DPP10: variants seen among roughly 807,000 people sequenced by gnomAD.
DPP10 encodes the protein inactive dipeptidyl peptidase 10.
A neutral mutation model predicts 120.9 loss-of-function variants in DPP10; 33 were observed. That is an observed-to-expected ratio of 0.27 (90% CI 0.21 to 0.37). The LOEUF is 0.37. Ranked by LOEUF, DPP10 falls within the 10% of genes least tolerant of loss-of-function variation. The pLI is 1.00. For missense variants in DPP10, 816 were observed against 942.8 expected (o/e 0.87, Z 1.76); for synonymous variants, 337 against 326.1 (o/e 1.03, Z -0.36).
intron 1 of DPP10, among the ~76,000 whole-genome samples, chr2:114,716,532 A>G (rs1323588941): frequency 3.3e-5 from 5 of 152,332 alleles, no homozygotes; most frequent in Middle Eastern, 3.4e-3. Context: ...TTTATGTAGG[A>G]CAAGAAGGAA....
At chr2:114,912,711 CA>C (rs926413375) in intron 1 of DPP10, among the ~76,000 whole-genome samples, 1 of 152,202 alleles carries the variant, frequency 6.6e-6, no homozygotes, top group Non-Finnish European at 1.5e-5. Flanking sequence ...TGGCCCCAAG[CA>C]GCTCCCAGGG....
chr2:115,022,948 T>C (rs1054119908), intron 1 of DPP10, among the ~76,000 whole-genome samples: 3 of 152,084 alleles, frequency 2.0e-5, no homozygotes, highest in Non-Finnish European at 4.4e-5. Context: ...GCAAGCCACA[T>C]GCAGAAGAAT....
At position 115,289,506 on chromosome 2, in the gene DPP10, G is replaced by GAAGAAAAGAAAAGAA. The variant is rs57788865; in HGVS notation, c.61-19730_61-19716dup. Among the ~76,000 whole-genome samples, 923 of 114,366 alleles carry GAAGAAAAGAAAAGAA rather than the reference G, an allele frequency of 8.1e-3. 8 individuals carry two copies. Among genetic ancestry groups the GAAGAAAAGAAAAGAA allele is most frequent in the East Asian group, 0.02 (78 of 3,900 alleles). The allele number at this position is 114,366 out of a possible 152,430, so 75.0% of individuals were successfully genotyped here. A position where few individuals can be genotyped will look rare whatever the true frequency, so the allele number is the denominator to read the frequency against. ...AAACCAAAAAAAAAAAAAAAAAAAG[G>GAAGAAAAGAAAAGAA]AAGAAAAGAAAAGAAAAAAGAGCCT... On this transcript the variant is annotated intron_variant, in intron 1 of 25. Coordinates refer to ENST00000410059, the MANE Select transcript of DPP10 (RefSeq NM_020868.6).
chr2:115,384,138 C>T (rs1388061862), intron 3 of DPP10, among the ~76,000 whole-genome samples: 2 of 152,162 alleles, frequency 1.3e-5, no homozygotes, highest in East Asian at 1.9e-4. Flanking sequence ...CTCCTGCTCT[C>T]CTGTCTTCTG....
intron 1 of DPP10, among the ~76,000 whole-genome samples, chr2:114,899,435 G>A (rs1051309759): frequency 6.6e-6 from 1 of 152,002 alleles, no homozygotes; most frequent in Non-Finnish European, 1.5e-5. Flanking sequence ...CACCTCAGAA[G>A]CCCTCCATGT....
At chr2:115,623,869 G>GA (rs574817667) in intron 5 of DPP10, among the ~76,000 whole-genome samples, 110 of 150,716 alleles carry the variant, frequency 7.3e-4, no homozygotes, top group Non-Finnish European at 1.4e-3. Context: ...AACATTTTCT[G>GA]AAAAAAAAAT....
At chr2:115,562,809 T>G (rs2080769988) in intron 5 of DPP10, among the ~76,000 whole-genome samples, 2 of 152,222 alleles carry the variant, frequency 1.3e-5, no homozygotes, top group African/African-American at 4.8e-5. Context: ...TACATAAGTT[T>G]AAGTTGGCTT....
At chr2:114,891,529 A>C (rs1429291665) in intron 1 of DPP10, among the ~76,000 whole-genome samples, 1 of 152,256 alleles carries the variant, frequency 6.6e-6, no homozygotes, top group Non-Finnish European at 1.5e-5. Context: ...AAGTAGGCAG[A>C]CTTGCAGAAG....
intron 1 of DPP10, among the ~76,000 whole-genome samples, chr2:114,523,851 C>T (rs11691828): frequency 6.6e-6 from 1 of 152,174 alleles, no homozygotes; most frequent in Non-Finnish European, 1.5e-5. Flanking sequence ...TCTACTCACC[C>T]TAATGATCCA....
At chr2:115,511,341 T>C (rs1201266850) in intron 4 of DPP10, among the ~76,000 whole-genome samples, 1 of 152,120 alleles carries the variant, frequency 6.6e-6, no homozygotes, top group Non-Finnish European at 1.5e-5. Context: ...TTGATCTAAA[T>C]AACTGAATTT....
At chr2:115,399,324 A>G (rs17044293) in intron 3 of DPP10, among the ~76,000 whole-genome samples, 31,104 of 152,146 alleles carry the variant, frequency 0.2, 3,526 homozygotes, top group East Asian at 0.35. Flanking sequence ...CATGTATGCA[A>G]TTCAACAACA....
chr2:115,775,857 A>G (rs902339645), intron 13 of DPP10, among the ~76,000 whole-genome samples: 1 of 152,180 alleles, frequency 6.6e-6, no homozygotes, highest in East Asian at 1.9e-4. Flanking sequence ...TTTCAAAAAT[A>G]TGTAAGATAA....
At chr2:115,614,782 A>G (rs2084369964) in intron 5 of DPP10, among the ~76,000 whole-genome samples, 1 of 152,186 alleles carries the variant, frequency 6.6e-6, no homozygotes, top group South Asian at 2.1e-4. Context: ...CGTCTCCAGA[A>G]TTATCATAGA....
At chr2:115,465,433 A>AT in intron 3 of DPP10, among the ~76,000 whole-genome samples, 1 of 152,358 alleles carries the variant, frequency 6.6e-6, no homozygotes, top group South Asian at 2.1e-4. Flanking sequence ...GTGTCAAAGT[A>AT]TTACACACAG....
At chr2:115,806,195 A>G (rs1259022408) in intron 19 of DPP10, among the ~76,000 whole-genome samples, 3 of 152,200 alleles carry the variant, frequency 2.0e-5, no homozygotes, top group Non-Finnish European at 4.4e-5. Flanking sequence ...TATTCTGGCT[A>G]AGAATTCCAA....
intron 8 of DPP10, among the ~76,000 whole-genome samples, chr2:115,729,500 T>A (rs975368172): frequency 3.3e-5 from 5 of 152,180 alleles, no homozygotes; most frequent in African/African-American, 1.2e-4. Context: ...CAACAGTAGC[T>A]CAAGCCTGTA....
At chr2:115,005,819 C>T (rs1701781967) in intron 1 of DPP10, among the ~76,000 whole-genome samples, 2 of 152,008 alleles carry the variant, frequency 1.3e-5, no homozygotes, top group Non-Finnish European at 2.9e-5. Context: ...GAGAATTTCC[C>T]CAATCTAGCA....
intron 1 of DPP10, among the ~76,000 whole-genome samples, chr2:114,986,727 G>A (rs1700415604): frequency 6.6e-6 from 1 of 152,118 alleles, no homozygotes; most frequent in Non-Finnish European, 1.5e-5. Flanking sequence ...TCTGCAAAAG[G>A]CTAACAATGA....
At chr2:114,775,569 T>C (rs1681652204) in intron 1 of DPP10, among the ~76,000 whole-genome samples, 1 of 152,162 alleles carries the variant, frequency 6.6e-6, no homozygotes, top group Non-Finnish European at 1.5e-5. Flanking sequence ...TTAAACTAGG[T>C]AGATCTCAGC....
Sources: gnomAD v4.1 joint callset for allele counts (sites outside exome capture counted in the v4.1 genomes callset) on GRCh38, gnomAD v4.1.1 for gene constraint, MANE v1.5 for transcripts, NCBI Gene and HGNC (gene_info 2026-07-23, HGNC 2026-07-21) for gene names.